Variants in ARHGAP31 observed in about 807,000 individuals in gnomAD.
The protein encoded by ARHGAP31 is Rho GTPase activating protein 31, also known as rho GTPase-activating protein 31.
Under a neutral mutation model 113.9 loss-of-function variants are expected in ARHGAP31, and 34 were observed. That is an observed-to-expected ratio of 0.30 (90% CI 0.23 to 0.40). The LOEUF is 0.40. Among genes scored for constraint, ARHGAP31 ranks in the 10% least tolerant of loss-of-function variants. ARHGAP31 has a pLI of 1.00. For synonymous variants in ARHGAP31, 650 were observed against 684.8 expected (o/e 0.95, Z 0.79); for missense variants, 1,548 against 1,767.1 (o/e 0.88, Z 2.22).
In ARHGAP31 at chr3:119,393,513, C is replaced by G; in HGVS notation, c.928C>G (p.Leu310Val). 6.2e-7 allele frequency: 1 copy of G among 1,614,064 alleles called. No homozygotes were observed. Among genetic ancestry groups the G allele is most frequent in the Non-Finnish European group, 8.5e-7 (1 of 1,179,952 alleles). ...AAAGAAGTGGAAATCAATATTTAAC[C>G]TGGGACGTTCTGGATCAGACTCCAA... is the stretch of plus-strand genomic sequence containing the variant. ...KSKKWKSIFNLGRSGSDSKSK... is the reference protein window; with the variant it reads ...KSKKWKSIFNVGRSGSDSKSK... Residue 310 changes from leucine (L) to valine (V), a missense_variant, in exon 8 of 12, where the codon CTG (leucine) becomes GTG (valine). Leu to Val is a conservative substitution (Grantham distance 32, BLOSUM62 1). Transcript: ENST00000264245.
chr3:119,302,283 G>A (rs2079591051), intron 1 of ARHGAP31, among the ~76,000 whole-genome samples: 1 of 152,170 alleles, frequency 6.6e-6, no homozygotes, highest in Non-Finnish European at 1.5e-5. Flanking sequence ...AGACTTTGCC[G>A]CAGTATACAA....
chr3:119,370,927 G>T (rs1003678343), intron 3 of ARHGAP31, among the ~76,000 whole-genome samples: 5 of 152,136 alleles, frequency 3.3e-5, no homozygotes, highest in African/African-American at 1.2e-4. Context: ...CAAATTACCA[G>T]TCTGTCCTCC....
chr3:119,344,901 T>C (rs2080041826), intron 1 of ARHGAP31, among the ~76,000 whole-genome samples: 1 of 152,168 alleles, frequency 6.6e-6, no homozygotes, highest in East Asian at 1.9e-4. Context: ...TTTACCCGAA[T>C]TGAGATGTGT....
intron 9 of ARHGAP31, among the ~76,000 whole-genome samples, chr3:119,400,739 T>C (rs1330390723): frequency 2.6e-5 from 4 of 152,220 alleles, no homozygotes; most frequent in African/African-American, 9.6e-5. Flanking sequence ...ATTTTAAGCA[T>C]ACAGTTATGT....
intron 2 of ARHGAP31, among the ~76,000 whole-genome samples, chr3:119,367,742 C>T (rs1189725417): frequency 6.6e-6 from 1 of 151,756 alleles, no homozygotes; most frequent in Non-Finnish European, 1.5e-5. Flanking sequence ...CCTGTAGTCC[C>T]AGCTACTCAG....
chr3:119,349,208 G>C (rs914763192), intron 1 of ARHGAP31, among the ~76,000 whole-genome samples: 3 of 152,142 alleles, frequency 2.0e-5, no homozygotes, highest in African/African-American at 7.2e-5. Flanking sequence ...TGAGGAAGAG[G>C]CCAATGTGAG....
At position 119,414,625 on chromosome 3, in the gene ARHGAP31, A is replaced by G; in HGVS notation, c.2696A>G (p.Gln899Arg). ...GATGACACTGTGACAGACATTGCCC[A>G]GCATGGCCTGGAGATGGTGGAGCCC... ...DEDDTVTDIA[Q>R]HGLEMVEPWE... Residue 899 changes from glutamine to arginine, a missense_variant, in exon 12 of 12, where the codon CAG (glutamine) becomes CGG (arginine). Gln to Arg is a conservative substitution (Grantham distance 43, BLOSUM62 1). Transcript: ENST00000264245. 6.2e-7 allele frequency: 1 copy of G among 1,614,268 alleles called. No individual in the cohort carries two copies. The highest frequency in any genetic ancestry group is 1.1e-5 in the South Asian group (1 of 91,086).
chr3:119,402,539 AT>A, intron 10 of ARHGAP31, 142 bp downstream of exon 10: 1 of 876,762 alleles, frequency 1.1e-6, no homozygotes, highest in Non-Finnish European at 1.8e-6. Flanking sequence ...ACGCTCTGCC[AT>A]TTTACTGCGT....
intron 1 of ARHGAP31, among the ~76,000 whole-genome samples, chr3:119,310,459 G>A (rs1406277025): frequency 6.6e-6 from 1 of 152,208 alleles, no homozygotes; most frequent in Admixed American, 6.5e-5. Flanking sequence ...ATGATCCATG[G>A]TCCCTTAGGA....
At chr3:119,326,850 A>G (rs1334236874) in intron 1 of ARHGAP31, among the ~76,000 whole-genome samples, 2 of 152,178 alleles carry the variant, frequency 1.3e-5, no homozygotes, top group Non-Finnish European at 2.9e-5. Flanking sequence ...CTTAAAGCTC[A>G]ATTTCTGTCA....
chr3:119,342,087 A>G (rs1196598584), intron 1 of ARHGAP31: 1 of 152,098 alleles, frequency 6.6e-6, no homozygotes, highest in Non-Finnish European at 1.5e-5. Context: ...ACTTGTTCAT[A>G]TTCATGGCCA....
chr3:119,364,675 A>C (rs2080238600), intron 1 of ARHGAP31, among the ~76,000 whole-genome samples: 1 of 152,242 alleles, frequency 6.6e-6, no homozygotes, highest in Non-Finnish European at 1.5e-5. Flanking sequence ...GGAGATGCTG[A>C]TGCTGCTGGT....
At chr3:119,382,423 T>TC in intron 5 of ARHGAP31, 24 bp downstream of exon 5, 1 of 1,602,850 alleles carries the variant, frequency 6.2e-7, no homozygotes, top group Non-Finnish European at 8.5e-7. Flanking sequence ...CCTCCCCTTG[T>TC]CACCAGCCCA....
rs774589511 is a variant in ARHGAP31, at chr3:119,380,924, TGAA to T, written c.374_376del (p.Glu125del). The T allele has an allele frequency of 1.4e-5, 22 of 1,614,028 alleles. No homozygotes were observed. The highest frequency in any genetic ancestry group is 1.9e-5 in the Non-Finnish European group (22 of 1,180,006). Reference sequence around the variant, plus strand: ...CACAGGAGGCAGTGTCGCATTGCCCTGAAGAAGGCCAACTGGCCCGAATCCAAA... The same window carrying T: ...CACAGGAGGCAGTGTCGCATTGCCCTGAAGGCCAACTGGCCCGAATCCAAA... On this transcript the variant is annotated inframe_deletion, in exon 4 of 12. Coordinates refer to ENST00000264245, the MANE Select transcript of ARHGAP31 (RefSeq NM_020754.4).
intron 1 of ARHGAP31, among the ~76,000 whole-genome samples, chr3:119,364,343 C>A (rs1175357992): frequency 6.6e-6 from 1 of 151,778 alleles, no homozygotes; most frequent in East Asian, 1.9e-4. Flanking sequence ...TTTTTTCCTT[C>A]GAATTTTTTT....
intron 1 of ARHGAP31, among the ~76,000 whole-genome samples, chr3:119,362,919 A>T (rs2080222390): frequency 6.6e-6 from 1 of 152,224 alleles, no homozygotes; most frequent in African/African-American, 2.4e-5. Context: ...TAGATAAGTT[A>T]CAAGTAGAAA....
chr3:119,400,403 G>A (rs2080591560), intron 9 of ARHGAP31, among the ~76,000 whole-genome samples: 1 of 152,120 alleles, frequency 6.6e-6, no homozygotes, highest in South Asian at 2.1e-4. Context: ...GAACCCAGGA[G>A]GCAGAGATTG....
intron 1 of ARHGAP31, among the ~76,000 whole-genome samples, chr3:119,364,216 C>G: frequency 9.8e-6 from 1 of 102,268 alleles, no homozygotes; most frequent in African/African-American, 4.0e-5. Flanking sequence ...GGTTTCAATC[C>G]ATGGTTGGGG....
chr3:119,337,474 G>A (rs536187392), intron 1 of ARHGAP31, among the ~76,000 whole-genome samples: 3 of 152,284 alleles, frequency 2.0e-5, no homozygotes, highest in East Asian at 1.9e-4. Context: ...ACTGCAAAAA[G>A]CAAAAGAACA....
Sources: gnomAD v4.1 joint callset for allele counts (sites outside exome capture counted in the v4.1 genomes callset) on GRCh38, gnomAD v4.1.1 for gene constraint, MANE v1.5 for transcripts, NCBI Gene and HGNC (gene_info 2026-07-23, HGNC 2026-07-21) for gene names.